LIMCH1: variants seen among roughly 807,000 people sequenced by gnomAD.
LIMCH1 encodes the protein LIM and calponin homology domains 1.
LIMCH1 carries 113 observed loss-of-function variants against 176.5 expected under a neutral mutation model. The ratio of observed to expected loss-of-function variants is 0.64; its 90% CI spans 0.55 to 0.75. LIMCH1 has a LOEUF of 0.75. Ranked by LOEUF, LIMCH1 falls within the 30% of genes least tolerant of loss-of-function variation. The pLI, the probability that LIMCH1 is intolerant of heterozygous loss-of-function variation, is 0.00. For missense variants in LIMCH1, 1,674 were observed against 1,814.9 expected (o/e 0.92, Z 1.41); for synonymous variants, 619 against 645.9 (o/e 0.96, Z 0.63).
chr4:41,588,939 G>A (rs28628594), intron 1 of LIMCH1, among the ~76,000 whole-genome samples: 53,065 of 152,138 alleles, frequency 0.35, 14,817 homozygotes, highest in African/African-American at 0.78. Context: ...TTCTTCCAGT[G>A]GAGGCAAGAG....
chr4:41,585,796 C>G (rs6821928), intron 1 of LIMCH1, among the ~76,000 whole-genome samples: 6,292 of 152,158 alleles, frequency 0.041, 419 homozygotes, highest in African/African-American at 0.14. Flanking sequence ...TGTTTAACTT[C>G]CAACTCATCT....
At chr4:41,607,347 A>G (rs1399812090) in intron 4 of LIMCH1, among the ~76,000 whole-genome samples, 1 of 152,244 alleles carries the variant, frequency 6.6e-6, no homozygotes, top group African/African-American at 2.4e-5. Flanking sequence ...GTATTTATAA[A>G]TGGCCAAAGC....
intron 1 of LIMCH1, among the ~76,000 whole-genome samples, chr4:41,398,980 A>G (rs1310528684): frequency 6.6e-6 from 1 of 152,166 alleles, no homozygotes; most frequent in African/African-American, 2.4e-5. Flanking sequence ...GTGTCCAGAA[A>G]CATAAAAGGA....
chr4:41,614,424 A>G (rs1037843605), intron 5 of LIMCH1, among the ~76,000 whole-genome samples: 3 of 152,210 alleles, frequency 2.0e-5, no homozygotes, highest in African/African-American at 4.8e-5. Context: ...TTGGTTCTAC[A>G]TATTCTACAT....
chr4:41,610,054 G>A (rs913424749), intron 4 of LIMCH1, among the ~76,000 whole-genome samples: 3 of 152,224 alleles, frequency 2.0e-5, no homozygotes, highest in African/African-American at 7.2e-5. Context: ...AACTGGCCAT[G>A]CCATTCAGCT....
chr4:41,467,158 TACACACACACACAC>T lies in LIMCH1; in HGVS notation c.97-27344_97-27331del, dbSNP rs148147336. On this transcript the variant is annotated intron_variant, in intron 1 of 26. Transcript: ENST00000313860. ...CCATATATATATGTGTATGTATATA[TACACACACACACAC>T]ACACACACACACACACACACACACA... 6.3e-4 allele frequency among the ~76,000 whole-genome samples: 90 copies of T among 143,542 alleles called. 1 individual carries two copies. Among genetic ancestry groups the T allele is most frequent in the Middle Eastern group, 3.5e-3 (1 of 288 alleles). 94.2% of individuals were successfully genotyped at this position (143,542 alleles called of 152,430 possible). A position where few individuals can be genotyped will look rare whatever the true frequency, so the allele number is the denominator to read the frequency against.
intron 5 of LIMCH1, among the ~76,000 whole-genome samples, chr4:41,618,250 G>A (rs1225025509): frequency 6.6e-6 from 1 of 152,126 alleles, no homozygotes; most frequent in Admixed American, 6.6e-5. Flanking sequence ...AGTGTTTGTT[G>A]GAATGATGGC....
intron 1 of LIMCH1, among the ~76,000 whole-genome samples, chr4:41,493,115 T>C (rs1443748639): frequency 6.6e-6 from 1 of 152,178 alleles, no homozygotes; most frequent in African/African-American, 2.4e-5. Context: ...ACATAGTTGT[T>C]GGATCCTGCT....
chr4:41,468,106 G>A (rs2066412288), intron 1 of LIMCH1, among the ~76,000 whole-genome samples: 1 of 152,152 alleles, frequency 6.6e-6, no homozygotes, highest in Non-Finnish European at 1.5e-5. Context: ...ATTTTTACAG[G>A]TCTTCAATTA....
chr4:41,475,007 C>T (rs573607768), intron 1 of LIMCH1, among the ~76,000 whole-genome samples: 2 of 151,902 alleles, frequency 1.3e-5, no homozygotes, highest in East Asian at 3.9e-4. Context: ...GAAATTCTGT[C>T]ATTTGGACAA....
At chr4:41,454,235 G>A (rs1332295224) in intron 1 of LIMCH1, among the ~76,000 whole-genome samples, 1 of 152,104 alleles carries the variant, frequency 6.6e-6, no homozygotes, top group African/African-American at 2.4e-5. Context: ...TCTCTTCCAG[G>A]ACTGGGATAA....
chr4:41,495,320 A>G (rs1372893058), intron 2 of LIMCH1, among the ~76,000 whole-genome samples: 7 of 152,236 alleles, frequency 4.6e-5, no homozygotes, highest in Non-Finnish European at 1.5e-5. Flanking sequence ...TGTACATACA[A>G]TGAAACACAC....
At chr4:41,557,374 A>G (rs761198624) in intron 1 of LIMCH1, among the ~76,000 whole-genome samples, 2 of 152,180 alleles carry the variant, frequency 1.3e-5, no homozygotes, top group South Asian at 2.1e-4. Context: ...ACACACTAAA[A>G]ATATACCTAA....
chr4:41,403,203 TG>T (rs912731350), intron 1 of LIMCH1, among the ~76,000 whole-genome samples: 1 of 149,332 alleles, frequency 6.7e-6, no homozygotes, highest in Non-Finnish European at 1.5e-5. Context: ...AAATTTCTCC[TG>T]GGGGTGGTGG....
chr4:41,551,758 A>C (rs2080464979), intron 1 of LIMCH1, among the ~76,000 whole-genome samples: 1 of 152,200 alleles, frequency 6.6e-6, no homozygotes, highest in Non-Finnish European at 1.5e-5. Flanking sequence ...AGCCATGTTC[A>C]CTCATTTATG....
chr4:41,574,744 T>C (rs1402789015), intron 1 of LIMCH1, among the ~76,000 whole-genome samples: 5 of 152,186 alleles, frequency 3.3e-5, no homozygotes, highest in African/African-American at 1.2e-4. Flanking sequence ...GCTGTTTGCT[T>C]TTTGCTTTCT....
chr4:41,482,627 C>T (rs2068839419), intron 1 of LIMCH1, among the ~76,000 whole-genome samples: 2 of 151,888 alleles, frequency 1.3e-5, no homozygotes, highest in South Asian at 4.2e-4. Context: ...GAAAGCGTGG[C>T]CTTATTTAAG....
chr4:41,599,201 G>C (rs1030783117), intron 2 of LIMCH1, 175 bp downstream of exon 2: 1 of 482,656 alleles, frequency 2.1e-6, no homozygotes, highest in East Asian at 3.3e-5. Context: ...TCTGTGCATA[G>C]CTTTCATTCT....
chr4:41,665,224 C>G (rs1036319977), intron 20 of LIMCH1, among the ~76,000 whole-genome samples: 2 of 152,162 alleles, frequency 1.3e-5, no homozygotes, highest in Non-Finnish European at 2.9e-5. Flanking sequence ...TACAGGCTTA[C>G]CTTTTTACAT....
Sources: allele counts gnomAD v4.1 joint callset (sites outside exome capture counted in the v4.1 genomes callset), GRCh38; gene constraint gnomAD v4.1.1; transcripts MANE v1.5; gene names NCBI Gene and HGNC (gene_info 2026-07-23, HGNC 2026-07-21).